Variants in PARP9 observed in about 807,000 individuals in gnomAD.
PARP9 encodes poly(ADP-ribose) polymerase family member 9.
In PARP9, 48 loss-of-function variants were observed where a neutral mutation model predicts 68.8. The observed-to-expected ratio is 0.70, with a 90% CI of 0.55 to 0.89. The LOEUF (loss-of-function observed/expected upper bound fraction) is 0.89, where lower values mean the gene tolerates loss of function less well. Ranked by LOEUF, PARP9 falls within the 40% of genes least tolerant of loss-of-function variation. The pLI is 0.00. For missense variants in PARP9, 806 were observed against 969.3 expected, an observed-to-expected ratio of 0.83 and a Z score of 2.24; for synonymous variants, 309 against 333.8, an observed-to-expected ratio of 0.93 and a Z score of 0.81.
chr3:122,560,163 G>C (rs2107743491), intron 1 of PARP9, among the ~76,000 whole-genome samples: 1 of 152,290 alleles, frequency 6.6e-6, no homozygotes, highest in South Asian at 2.1e-4. Context: ...TGTGAGGGGG[G>C]TGTATTATTG....
Position 122,552,440 on chromosome 3 carries a change from T to C in PARP9, c.1085A>G (p.His362Arg). Residue 362 changes from histidine (H) to arginine (R), a missense_variant, in exon 5 of 11, where the codon CAT (histidine) becomes CGT (arginine). By Grantham distance (29) the His-to-Arg change is conservative. Around this residue, in one of 2 missense-constraint regions of PARP9, gnomAD observed 680 missense variants for 858.8 expected, o/e 0.79. Transcript: ENST00000682323. Reference protein sequence around the residue: ...FCKYIYHVLWHSEFPKPQILK... With the variant: ...FCKYIYHVLWRSEFPKPQILK... ...TACCTGAGGTTTAGGAAATTCTGAA[T>C]GCCACAGTACATGGTATATATATTT... is the stretch of plus-strand genomic sequence containing the variant. 16 of 1,609,038 alleles carry C rather than the reference T, an allele frequency of 9.9e-6. No homozygotes were observed. The highest frequency in any genetic ancestry group is 1.4e-5 in the Non-Finnish European group (16 of 1,176,064).
chr3:122,542,164 G>A (rs1426534712), intron 7 of PARP9, among the ~76,000 whole-genome samples: 1 of 151,148 alleles, frequency 6.6e-6, no homozygotes, highest in Non-Finnish European at 1.5e-5. Flanking sequence ...TTATTATCAA[G>A]AGAAACTTCT....
intron 8 of PARP9, among the ~76,000 whole-genome samples, chr3:122,539,507 A>ATTTATTTCTTTCTTTCTTTCTTTC (rs1553714535): frequency 6.0e-5 from 8 of 133,162 alleles, no homozygotes; most frequent in African/African-American, 2.1e-4. Flanking sequence ...CCAAGATGGC[A>ATTTATTTCTTTCTTTCTTTCTTTC]TTTCTTTCTT....
At chr3:122,553,484 T>C (rs2079383279) in intron 4 of PARP9, among the ~76,000 whole-genome samples, 1 of 152,242 alleles carries the variant, frequency 6.6e-6, no homozygotes, top group Admixed American at 6.5e-5. Flanking sequence ...ACCGACACCC[T>C]TTAAAAATTG....
chr3:122,556,140 TTAAAAAAA>T lies in PARP9; in HGVS notation c.50-27_50-20del. On this transcript the variant is annotated intron_variant, in intron 3 of 10. Coordinates refer to ENST00000682323, the MANE Select transcript of PARP9 (RefSeq NM_001146105.2). ...CCAGTCTCTGGAAAAGAAGAGAAGA[TTAAAAAAA>T]AAAAAAAAAAAAAAAAAAAAAAAAA... 1 of 92,804 alleles carries T rather than the reference TTAAAAAAA, an allele frequency of 1.1e-5. No individual in the cohort carries two copies. Among genetic ancestry groups the T allele is most frequent in the East Asian group, 1.4e-4 (1 of 7,180 alleles). The allele number at this position is 92,804 out of a possible 1,614,324, so 5.7% of individuals were successfully genotyped here. A position where few individuals can be genotyped will look rare whatever the true frequency, so the allele number is the denominator to read the frequency against.
intron 10 of PARP9, chr3:122,533,869 A>G: frequency 1.0e-6 from 1 of 985,492 alleles, no homozygotes; most frequent in Non-Finnish European, 1.2e-6. Context: ...AAATTGACTG[A>G]GAGTCCTATA....
intron 7 of PARP9, among the ~76,000 whole-genome samples, chr3:122,542,773 C>T (rs181644273): frequency 2.6e-5 from 4 of 152,170 alleles, no homozygotes; most frequent in Admixed American, 1.3e-4. Context: ...CCACTGCACC[C>T]GGCCAATAAT....
At chr3:122,539,540 TTTCTTTCTTTCTTTCTTTCTTTCTTTC>T (rs1400022985) in intron 8 of PARP9, among the ~76,000 whole-genome samples, 4 of 53,118 alleles carry the variant, frequency 7.5e-5, no homozygotes, top group Non-Finnish European at 1.5e-4. Context: ...TCTTTCTTTC[TTTCTTTCTTTCTTTCTTTCTTTCTTTC>T]TTTTTTTTTT....
intron 5 of PARP9, among the ~76,000 whole-genome samples, chr3:122,551,757 A>G (rs1395417219): frequency 6.6e-6 from 1 of 152,216 alleles, no homozygotes; most frequent in African/African-American, 2.4e-5. Context: ...ATGGAGGGAC[A>G]TAAGAGGCTG....
At chr3:122,558,221 G>A in intron 3 of PARP9, 2 of 1,342,674 alleles carry the variant, frequency 1.5e-6, no homozygotes, top group South Asian at 3.0e-5. Context: ...ACATTTACGG[G>A]CAAAGGAGAG....
intron 10 of PARP9, among the ~76,000 whole-genome samples, chr3:122,529,357 A>G (rs948272493): frequency 2.0e-5 from 3 of 152,106 alleles, no homozygotes; most frequent in Admixed American, 2.0e-4. Flanking sequence ...CACGTAAAAG[A>G]CAAAGATCTG....
intron 4 of PARP9, among the ~76,000 whole-genome samples, chr3:122,553,193 C>A (rs973002732): frequency 2.0e-5 from 3 of 152,022 alleles, no homozygotes; most frequent in Non-Finnish European, 2.9e-5. Context: ...GGTTCCCAGA[C>A]CCCCCCACTC....
At chr3:122,544,654 C>CA (rs1056977020) in intron 7 of PARP9, among the ~76,000 whole-genome samples, 83 of 148,250 alleles carry the variant, frequency 5.6e-4, no homozygotes, top group South Asian at 1.3e-3. Flanking sequence ...CCGTCTCTAC[C>CA]AAAAAAAAAA....
chr3:122,564,271 A>G lies in PARP9; in HGVS notation c.-116T>C, dbSNP rs2080497433. 4.3e-6 allele frequency: 4 copies of G among 923,950 alleles called. No individual in the cohort carries two copies. In the African/African-American group the frequency reaches 6.9e-5, roughly 16 times the overall value. 57.2% of individuals were successfully genotyped at this position (923,950 alleles called of 1,614,324 possible). ...CGGCAGGCCGCTCTCCTCGGTGCAGACAGCACAGGGAGGAGGGGGAAGCGG... is the reference window on the plus strand; with the variant it reads ...CGGCAGGCCGCTCTCCTCGGTGCAGGCAGCACAGGGAGGAGGGGGAAGCGG... On this transcript the variant is annotated 5_prime_UTR_variant, in exon 1 of 11. Transcript: ENST00000682323.
intron 3 of PARP9, among the ~76,000 whole-genome samples, chr3:122,557,216 G>A (rs2079770808): frequency 6.6e-6 from 1 of 152,100 alleles, no homozygotes; most frequent in Non-Finnish European, 1.5e-5. Flanking sequence ...GCCCACCTGG[G>A]TGGCTTCAAA....
upstream of PARP9, chr3:122,564,516 C>A (rs200460795): frequency 4.5e-5 from 73 of 1,612,384 alleles, 2 homozygotes; most frequent in Admixed American, 9.0e-4. Flanking sequence ...AGAGCTACTT[C>A]CAGAGCTCTA....
rs769405622 is a variant in PARP9, at chr3:122,555,442, C to T, written c.729G>A (p.Val243=). The T allele has an allele frequency of 1.2e-6, 2 of 1,614,144 alleles. No homozygotes were observed. Among genetic ancestry groups the T allele is most frequent in the East Asian group, 2.2e-5 (1 of 44,878 alleles). The change falls in exon 4 of 11, where the codon GTG becomes GTA. Residue 243 remains valine (V), a synonymous_variant. Coordinates refer to ENST00000682323, the MANE Select transcript of PARP9 (RefSeq NM_001146105.2). ...CAGCAACAGTAGGGTCCTCATTGCT[C>T]ACCAGGTGAATTTCTTTCAAATTAC... is the stretch of plus-strand genomic sequence containing the variant. The part of the protein sequence containing the change: ...MMSNLKEIHL[V]SNEDPTVAAF...
chr3:122,552,536 A>C lies in PARP9; in HGVS notation c.989T>G (p.Leu330Arg). ...TTGAAACTGTTTAGCCTTTGTGGCA[A>C]GAAATTCCGATTTCATTTCAACTCC... ...QAGVEMKSEF[L>R]ATKAKQFQRS... Residue 330 changes from leucine to arginine, a missense_variant, in exon 5 of 11, where the codon CTT (leucine) becomes CGT (arginine). Leu to Arg is a moderately radical substitution (Grantham distance 102, BLOSUM62 -2). Coordinates refer to ENST00000682323, the MANE Select transcript of PARP9 (RefSeq NM_001146105.2). 1 of 1,614,172 alleles carries C rather than the reference A, an allele frequency of 6.2e-7. No homozygotes were observed.
chr3:122,536,282 C>G lies in PARP9; in HGVS notation c.1966G>C (p.Glu656Gln). The change falls in exon 10 of 11, where the codon GAA becomes CAA. Residue 656 changes from glutamate (E) to glutamine (Q), a missense_variant. This residue lies in a region of PARP9 where 680 missense variants were observed against 858.8 expected (regional missense o/e 0.79). Transcript: ENST00000682323. ...ACAGGTTGCCTGTGCAGTTTTTCTTCCATCATTTTCTTCTTTCTTTGAAAG... is the reference window on the plus strand; with the variant it reads ...ACAGGTTGCCTGTGCAGTTTTTCTTGCATCATTTTCTTCTTTCTTTGAAAG... ...AAFQRKKKMM[E>Q]EKLHRQPVSH... 1 of 1,614,138 alleles carries G rather than the reference C, an allele frequency of 6.2e-7. No individual in the cohort carries two copies. Among genetic ancestry groups the G allele is most frequent in the Non-Finnish European group, 8.5e-7 (1 of 1,180,006 alleles).
Sources: gnomAD v4.1 joint callset for allele counts (sites outside exome capture counted in the v4.1 genomes callset) on GRCh38, gnomAD v4.1.1 for gene constraint, gnomAD v4.1.1 regional missense constraint, MANE v1.5 for transcripts, NCBI Gene and HGNC (gene_info 2026-07-23, HGNC 2026-07-21) for gene names.